The following RBMX variants were observed in gnomAD, a reference collection of about 807,000 sequenced individuals.
RBMX encodes RNA-binding motif protein, X chromosome.
A neutral mutation model predicts 29.3 loss-of-function variants in RBMX; 1 was observed. That is an observed-to-expected ratio of 0.03 (90% CI 0.01 to 0.16). RBMX has a LOEUF of 0.16. RBMX is among the 10% of genes least tolerant of loss of function. The pLI is 1.00. For synonymous variants in RBMX, 102 were observed against 102.3 expected, an observed-to-expected ratio of 1.00 and a Z score of 0.02; for missense variants, 121 against 333.2, an observed-to-expected ratio of 0.36 and a Z score of 4.96.
rs1295599221 is a variant in RBMX, at chrX:136,874,108, G to C, written c.*34C>G. On this transcript the variant is annotated 3_prime_UTR_variant, in exon 9 of 9. Transcript: ENST00000320676. ...AATAGTTTCCACTTTTTGTTTCTTTGAACTGGGATTTTGGTCCAAAGTTTT... is the reference window on the plus strand; with the variant it reads ...AATAGTTTCCACTTTTTGTTTCTTTCAACTGGGATTTTGGTCCAAAGTTTT... 1 of 1,169,529 alleles carries C rather than the reference G, an allele frequency of 8.6e-7. No individual in the cohort carries two copies. Among genetic ancestry groups the C allele is most frequent in the Non-Finnish European group, 1.1e-6 (1 of 875,426 alleles).
chrX:136,879,297 C>T, intron 2 of RBMX, 22 bp downstream of exon 2: 1 of 1,203,454 alleles, frequency 8.3e-7, no homozygotes, highest in Non-Finnish European at 1.1e-6. Flanking sequence ...AATAGCCCAG[C>T]CTGTACTGCC....
chrX:136,874,985 A>C lies in RBMX; in HGVS notation c.865+101T>G, dbSNP rs971680497. The C allele has an allele frequency of 6.2e-6, 7 of 1,120,048 alleles. No homozygotes were observed. The African/African-American group carries it at 1.3e-4, about 21-fold the overall frequency. The allele number at this position is 1,120,048 out of a possible 1,213,427, so 92.3% of individuals were successfully genotyped here. A position where few individuals can be genotyped will look rare whatever the true frequency, so the allele number is the denominator to read the frequency against. On this transcript the variant is annotated intron_variant, in intron 8 of 8. Coordinates refer to ENST00000320676, the MANE Select transcript of RBMX (RefSeq NM_002139.4). ...TAAAGTTACCCCTTTAAAAGCAAGC[A>C]AACATCCCTTTAAAAGCAAGCACCA...
chrX:136,874,528 G>T (rs774731785), intron 8 of RBMX, 76 bp from the exon 9 acceptor site: 2 of 1,106,113 alleles, frequency 1.8e-6, no homozygotes, highest in Non-Finnish European at 2.4e-6. Flanking sequence ...TGAATTTACA[G>T]AATTCTTGTA....
At chrX:136,872,354 G>A (rs900206299), downstream of RBMX, 29 of 1,159,001 alleles carry the variant, frequency 2.5e-5, no homozygotes, top group Non-Finnish European at 3.0e-5. Flanking sequence ...ACCTGCAAAA[G>A]TTAAATAAAT....
chrX:136,871,968 G>A (rs189225635), downstream of RBMX, among the ~76,000 whole-genome samples: 242 of 111,049 alleles, frequency 2.2e-3, no homozygotes, highest in Non-Finnish European at 3.7e-3. Flanking sequence ...AACTTCTTAC[G>A]TGTGTACTTC....
At chrX:136,875,056 G>A in intron 8 of RBMX, 30 bp downstream of exon 8, 21 of 1,205,270 alleles carry the variant, frequency 1.7e-5, no homozygotes, top group Non-Finnish European at 2.3e-5. Context: ...TCAAGCTGGT[G>A]ATACTAAAGA....
chrX:136,876,494 A>G lies in RBMX; in HGVS notation c.541+9T>C. On this transcript the variant is annotated intron_variant, in intron 5 of 8. Coordinates refer to ENST00000320676, the MANE Select transcript of RBMX (RefSeq NM_002139.4). ...TAGTAGCATAAATCATCATACATGG[A>G]ACATTTACCTCTTCCTCCCATTCCA... is the stretch of plus-strand genomic sequence containing the variant. The G allele has an allele frequency of 8.6e-7, 1 of 1,167,738 alleles. No homozygotes were observed.
chrX:136,874,570 G>A, intron 8 of RBMX, 118 bp from the exon 9 acceptor site: 1 of 895,401 alleles, frequency 1.1e-6, no homozygotes, highest in South Asian at 2.6e-5. Flanking sequence ...TGGGTGGGAG[G>A]TTTTAAACTC....
intron 5 of RBMX, 33 bp from the exon 6 acceptor site, chrX:136,875,618 C>T (rs1205118437): frequency 8.4e-7 from 1 of 1,186,064 alleles, no homozygotes; most frequent in Non-Finnish European, 1.1e-6. Context: ...TTAAACATAG[C>T]CAGAGAAAAA....
At chrX:136,876,241 G>C (rs1382643109) in intron 5 of RBMX, among the ~76,000 whole-genome samples, 2 of 101,728 alleles carry the variant, frequency 2.0e-5, no homozygotes, top group African/African-American at 3.7e-5. Flanking sequence ...CTCCTGCCTC[G>C]GCCTCCCAAG....
Position 136,876,716 on chromosome X carries a change from GTTTTTT to G in RBMX, c.389-67_389-62del, listed in dbSNP as rs199725935. The G allele has an allele frequency of 2.4e-5, 19 of 806,761 alleles. No homozygotes were observed. In the South Asian group the frequency reaches 4.7e-4, roughly 20 times the overall value. 66.5% of individuals were successfully genotyped at this position (806,761 alleles called of 1,213,427 possible). On this transcript the variant is annotated intron_variant, in intron 4 of 8. Transcript: ENST00000320676. ...CACAAGAATCAAGAAAGATATAAAA[GTTTTTT>G]TTTTTTTTTGAGAGTCTCACTGTCG...
Position 136,874,618 on chromosome X carries a change from TGA to T in RBMX, c.866-168_866-167del. The T allele has an allele frequency of 1.4e-5, 8 of 579,056 alleles. No individual in the cohort carries two copies. The South Asian group carries it at 2.7e-4, about 19-fold the overall frequency. The allele number at this position is 579,056 out of a possible 1,213,427, so 47.7% of individuals were successfully genotyped here. A position where few individuals can be genotyped will look rare whatever the true frequency, so the allele number is the denominator to read the frequency against. On this transcript the variant is annotated intron_variant, in intron 8 of 8. Transcript: ENST00000320676. ...CCATAACAGGGATTTGCTCATCTGC[TGA>T]GATATGGAATTGGATTCATTTTAAT... is the stretch of plus-strand genomic sequence containing the variant.
At chrX:136,874,816 A>T (rs890441425) in intron 8 of RBMX, 1 of 411,950 alleles carries the variant, frequency 2.4e-6, no homozygotes, top group Non-Finnish European at 3.7e-6. Context: ...TAAAATTTTT[A>T]AATTGTATTT....
chrX:136,869,546 G>T (rs1053083), downstream of RBMX: 4 of 111,705 alleles, frequency 3.6e-5, no homozygotes, highest in African/African-American at 6.5e-5. Flanking sequence ...CCAAGTAATC[G>T]TAAGAGTATA....
At position 136,877,896 on chromosome X, in the gene RBMX, G is replaced by A; in HGVS notation, c.388+19C>T. 1 of 1,157,568 alleles carries A rather than the reference G, an allele frequency of 8.6e-7. No individual in the cohort carries two copies. On this transcript the variant is annotated intron_variant, in intron 4 of 8. Coordinates refer to ENST00000320676, the MANE Select transcript of RBMX (RefSeq NM_002139.4). ...TCCCTAACTTATACACCAAACCCGA[G>A]GTCCACGCAAGTTATTACCCATGTG... is the stretch of plus-strand genomic sequence containing the variant.
At chrX:136,875,726 A>T in intron 5 of RBMX, 141 bp from the exon 6 acceptor site, 2 of 869,027 alleles carry the variant, frequency 2.3e-6, no homozygotes, top group Non-Finnish European at 3.1e-6. Context: ...TATTTTCTAC[A>T]ATTTCCCATT....
intron 5 of RBMX, among the ~76,000 whole-genome samples, chrX:136,876,112 GTTTTTTTTTTTTGTT>G (rs1285387053): frequency 2.3e-4 from 20 of 87,864 alleles, no homozygotes; most frequent in African/African-American, 8.1e-4. Context: ...CATGAATAAA[GTTTTTTTTTTTTGTT>G]TTTTTTTTTT....
At chrX:136,874,806 T>C in intron 8 of RBMX, 4 of 397,556 alleles carry the variant, frequency 1.0e-5, no homozygotes, top group Non-Finnish European at 3.9e-6. Context: ...ATCTTGTTAA[T>C]AAAATTTTTA....
chrX:136,880,180 GACTA>G (rs1465152289), intron 1 of RBMX, among the ~76,000 whole-genome samples: 2 of 111,708 alleles, frequency 1.8e-5, no homozygotes, highest in Non-Finnish European at 3.8e-5. Context: ...CTGGTCAGGG[GACTA>G]ACTTTTACCA....
Sources: gnomAD v4.1 joint callset for allele counts (sites outside exome capture counted in the v4.1 genomes callset) on GRCh38, gnomAD v4.1.1 for gene constraint, MANE v1.5 for transcripts, NCBI Gene and HGNC (gene_info 2026-07-23, HGNC 2026-07-21) for gene names.